SLC35F3: variants seen among roughly 807,000 people sequenced by gnomAD.
The protein encoded by SLC35F3 is solute carrier family 35 member F3, also known as putative thiamine transporter SLC35F3.
Under a neutral mutation model 49.9 loss-of-function variants are expected in SLC35F3, and 25 were observed. The observed-to-expected ratio is 0.50, with a 90% CI of 0.37 to 0.70. The LOEUF is 0.70. Ranked by LOEUF, SLC35F3 falls within the 30% of genes least tolerant of loss-of-function variation. The pLI is 0.00. For missense variants in SLC35F3, 525 were observed against 639.8 expected (o/e 0.82, Z 1.94); for synonymous variants, 275 against 265.4 (o/e 1.04, Z -0.35).
intron 2 of SLC35F3, among the ~76,000 whole-genome samples, chr1:234,224,208 G>A (rs1462990673): frequency 6.6e-6 from 1 of 152,128 alleles, no homozygotes; most frequent in Non-Finnish European, 1.5e-5. Context: ...GGGACTATAG[G>A]CAAGCACCAC....
intron 2 of SLC35F3, among the ~76,000 whole-genome samples, chr1:234,148,744 T>A (rs1289780964): frequency 6.6e-6 from 1 of 152,164 alleles, no homozygotes; most frequent in Non-Finnish European, 1.5e-5. Context: ...AGCAGGTGAT[T>A]TGAACTAAGA....
In SLC35F3 at chr1:234,214,270, T is replaced by G. The variant is rs1667080847; in HGVS notation, c.284-17147T>G. ...AGGCTGTGCGCGCGTGTGTGTGGAG[T>G]GGCTGCGCGGCCGGGGAGGATGTGC... is the stretch of plus-strand genomic sequence containing the variant. On this transcript the variant is annotated intron_variant, in intron 2 of 7. Coordinates refer to ENST00000366618, the MANE Select transcript of SLC35F3 (RefSeq NM_173508.4). The surrounding 1 kb of genome is among the most constrained non-coding windows in gnomAD (Gnocchi z 8.0). 1.6e-6 allele frequency: 2 copies of G among 1,267,078 alleles called. No individual in the cohort carries two copies. Among genetic ancestry groups the G allele is most frequent in the African/African-American group, 1.6e-5 (1 of 63,594 alleles). The allele number at this position is 1,267,078 out of a possible 1,614,324, so 78.5% of individuals were successfully genotyped here.
chr1:234,313,635 G>A (rs907067416), intron 4 of SLC35F3, among the ~76,000 whole-genome samples: 2 of 152,124 alleles, frequency 1.3e-5, no homozygotes, highest in Non-Finnish European at 2.9e-5. Flanking sequence ...TGTAAGGAAG[G>A]AGAGGCATGG....
At chr1:234,192,872 A>T (rs113189371) in intron 2 of SLC35F3, among the ~76,000 whole-genome samples, 12,122 of 152,174 alleles carry the variant, frequency 0.08, 1,348 homozygotes, top group African/African-American at 0.25. Flanking sequence ...AAAATAAAAT[A>T]CTTTGGAATA....
intron 2 of SLC35F3, among the ~76,000 whole-genome samples, chr1:234,034,909 G>A (rs1448267762): frequency 6.6e-6 from 1 of 152,136 alleles, no homozygotes; most frequent in Non-Finnish European, 1.5e-5. Flanking sequence ...TTGTTTGCTT[G>A]GTTTTCTATG....
intron 2 of SLC35F3, among the ~76,000 whole-genome samples, chr1:233,921,745 T>C (rs1662063978): frequency 6.6e-6 from 1 of 152,138 alleles, no homozygotes; most frequent in Admixed American, 6.5e-5. Flanking sequence ...GTTGGTGTGC[T>C]GCACCCATTA....
chr1:234,062,641 G>T (rs1158995930), intron 2 of SLC35F3, among the ~76,000 whole-genome samples: 7 of 151,804 alleles, frequency 4.6e-5, no homozygotes, highest in African/African-American at 1.5e-4. Context: ...ATAATTAAGA[G>T]ATTTCTGTTT....
chr1:234,201,956 G>A (rs1412792696), intron 2 of SLC35F3, among the ~76,000 whole-genome samples: 2 of 148,578 alleles, frequency 1.3e-5, no homozygotes, highest in Non-Finnish European at 3.0e-5. Flanking sequence ...GTGTGCAAAT[G>A]CAAAAGCAAA....
chr1:234,013,674 C>A (rs557151713), intron 2 of SLC35F3, among the ~76,000 whole-genome samples: 1 of 151,976 alleles, frequency 6.6e-6, no homozygotes, highest in East Asian at 1.9e-4. Flanking sequence ...ACCGCAGAAA[C>A]ACAAAGGATT....
chr1:234,068,753 C>T (rs1166953677), intron 2 of SLC35F3, among the ~76,000 whole-genome samples: 1 of 141,000 alleles, frequency 7.1e-6, no homozygotes, highest in Non-Finnish European at 1.5e-5. Flanking sequence ...AAATGCTTGG[C>T]TTTTGTTCCT....
intron 2 of SLC35F3, among the ~76,000 whole-genome samples, chr1:233,914,086 A>C (rs879244465): frequency 6.6e-6 from 1 of 152,092 alleles, no homozygotes; most frequent in Non-Finnish European, 1.5e-5. Context: ...GCCCTGTACT[A>C]CATCCTCCGT....
intron 2 of SLC35F3, among the ~76,000 whole-genome samples, chr1:234,055,718 C>A (rs1323659673): frequency 6.6e-6 from 1 of 152,162 alleles, no homozygotes; most frequent in African/African-American, 2.4e-5. Context: ...CAGAAATCAC[C>A]CATCTTCTGC....
intron 2 of SLC35F3, among the ~76,000 whole-genome samples, chr1:233,918,812 CTCTCTATATA>C (rs1216122015): frequency 4.5e-5 from 2 of 44,268 alleles, no homozygotes; most frequent in Non-Finnish European, 1.6e-4. Flanking sequence ...CTCTCTCTCT[CTCTCTATATA>C]TATATATATA....
chr1:233,968,034 A>G (rs1440978060), intron 2 of SLC35F3, among the ~76,000 whole-genome samples: 1 of 152,170 alleles, frequency 6.6e-6, no homozygotes, highest in East Asian at 1.9e-4. Context: ...ATGTATTTGG[A>G]GGCTAGAAGT....
At chr1:234,162,487 A>G (rs1666244279) in intron 2 of SLC35F3, among the ~76,000 whole-genome samples, 1 of 150,640 alleles carries the variant, frequency 6.6e-6, no homozygotes, top group South Asian at 2.1e-4. Flanking sequence ...TTCCCCTTCT[A>G]AGGAAGGCTG....
At chr1:234,258,131 C>G (rs10797536) in intron 3 of SLC35F3, among the ~76,000 whole-genome samples, 48,546 of 152,054 alleles carry the variant, frequency 0.32, 8,523 homozygotes, top group East Asian at 0.74. Context: ...TCAGCCTCCC[C>G]GAAAGCTTGG....
intron 2 of SLC35F3, among the ~76,000 whole-genome samples, chr1:234,191,157 C>G (rs1286784903): frequency 6.6e-6 from 1 of 152,096 alleles, no homozygotes; most frequent in Non-Finnish European, 1.5e-5. Flanking sequence ...TCCAACACAT[C>G]AGCACATGGA....
intron 3 of SLC35F3, among the ~76,000 whole-genome samples, chr1:234,266,587 C>T (rs904295840): frequency 5.3e-5 from 8 of 152,176 alleles, no homozygotes; most frequent in Non-Finnish European, 8.8e-5. Context: ...TTAGGGATTT[C>T]GTTGTTGTGT....
rs1446748917 is a variant in SLC35F3, at chr1:234,286,012, CT to C, written c.609-23086del. Among the ~76,000 whole-genome samples, 5 of 152,144 alleles carry C rather than the reference CT, an allele frequency of 3.3e-5. No individual in the cohort carries two copies. In the South Asian group the frequency reaches 1.0e-3, roughly 32 times the overall value. ...TCTGGTTCAATATTTTTATCAATGACTTTGGTAAAATCATAAAACTTACATT... is the reference window on the plus strand; with the variant it reads ...TCTGGTTCAATATTTTTATCAATGACTTGGTAAAATCATAAAACTTACATT... On this transcript the variant is annotated intron_variant, in intron 3 of 7. Transcript: ENST00000366618.
Sources: allele counts gnomAD v4.1 joint callset (sites outside exome capture counted in the v4.1 genomes callset), GRCh38; gene constraint gnomAD v4.1.1; non-coding constraint Gnocchi (gnomAD v3.1); transcripts MANE v1.5; gene names NCBI Gene and HGNC (gene_info 2026-07-23, HGNC 2026-07-21).